Variants in UNC13C observed in about 807,000 individuals in gnomAD.
The protein encoded by UNC13C is protein unc-13 homolog C.
In UNC13C, 174 loss-of-function variants were observed where a neutral mutation model predicts 245.4. That is an observed-to-expected ratio of 0.71 (90% confidence interval 0.63 to 0.80). UNC13C has a LOEUF of 0.80. UNC13C is among the 30% of genes least tolerant of loss of function. The pLI is 0.00. For synonymous variants in UNC13C, 992 were observed against 895.1 expected, an observed-to-expected ratio of 1.11 and a Z score of -1.93; for missense variants, 2,829 against 2,602.9, an observed-to-expected ratio of 1.09 and a Z score of -1.89.
chr15:53,930,231 C>G, the UNC13C span, among the ~76,000 whole-genome samples: 1,944 of 152,258 alleles, frequency 0.013, 41 homozygotes, highest in African/African-American at 0.045. Flanking sequence ...CCTCTCTCTT[C>G]CTCATAGCAC....
At chr15:54,141,487 A>G (rs1187200353) in intron 2 of UNC13C, among the ~76,000 whole-genome samples, 1 of 152,046 alleles carries the variant, frequency 6.6e-6, no homozygotes, top group African/African-American at 2.4e-5. Flanking sequence ...TACTTTTTTA[A>G]CATATTACAC....
chr15:54,556,502 G>C (rs992270281), intron 29 of UNC13C, among the ~76,000 whole-genome samples: 2 of 152,002 alleles, frequency 1.3e-5, no homozygotes, highest in African/African-American at 4.8e-5. Flanking sequence ...TGGGAGGTGA[G>C]AGTTTTGTGA....
chr15:54,070,538 A>G (rs1483460866), intron 2 of UNC13C, among the ~76,000 whole-genome samples: 1 of 152,154 alleles, frequency 6.6e-6, no homozygotes, highest in Non-Finnish European at 1.5e-5. Flanking sequence ...CAGTCTGTAC[A>G]TCACAGTTTG....
chr15:54,258,662 C>G (rs1050396349), intron 8 of UNC13C, among the ~76,000 whole-genome samples: 2 of 152,146 alleles, frequency 1.3e-5, no homozygotes, highest in African/African-American at 4.8e-5. Context: ...AGCCACCACT[C>G]CTGGCCTGAA....
the UNC13C span, among the ~76,000 whole-genome samples, chr15:53,883,462 G>A: frequency 1.1e-4 from 17 of 152,148 alleles, no homozygotes; most frequent in Non-Finnish European, 2.1e-4. Context: ...ACTGTCTTTT[G>A]GCATGGGGTT....
intron 30 of UNC13C, among the ~76,000 whole-genome samples, chr15:54,598,236 G>A (rs1479922420): frequency 1.3e-5 from 2 of 152,142 alleles, no homozygotes; most frequent in African/African-American, 2.4e-5. Flanking sequence ...GGGATTACAG[G>A]TGCATGCCAC....
At chr15:54,250,563 C>G in intron 8 of UNC13C, 119 bp downstream of exon 8, 3 of 850,844 alleles carry the variant, frequency 3.5e-6, no homozygotes, top group Non-Finnish European at 5.3e-6. Flanking sequence ...TCCCCTCCCA[C>G]CACTTACACA....
intron 10 of UNC13C, among the ~76,000 whole-genome samples, chr15:54,286,326 C>T (rs978255454): frequency 1.3e-5 from 2 of 152,136 alleles, no homozygotes; most frequent in African/African-American, 4.8e-5. Context: ...ACAGCACTTA[C>T]TATTGAGATT....
chr15:54,543,107 A>T lies in UNC13C; in HGVS notation c.5697-3615A>T, dbSNP rs560755561. 5.9e-5 allele frequency among the ~76,000 whole-genome samples: 9 copies of T among 152,198 alleles called. No homozygotes were observed. In the South Asian group the frequency reaches 1.9e-3, roughly 32 times the overall value. On this transcript the variant is annotated intron_variant, in intron 26 of 32. Transcript: ENST00000260323. ...TCTTCATAGTGTCAATGGTCTTTAG[A>T]ATTTGGCATGTTTTTGCAGTGGCTG...
the UNC13C span, among the ~76,000 whole-genome samples, chr15:53,855,904 C>T: frequency 6.6e-6 from 1 of 152,064 alleles, no homozygotes; most frequent in Non-Finnish European, 1.5e-5. Flanking sequence ...GAATTCAGAC[C>T]TGAGTCCATA....
intron 2 of UNC13C, among the ~76,000 whole-genome samples, chr15:54,136,343 T>C (rs1346451987): frequency 1.3e-5 from 2 of 152,084 alleles, no homozygotes; most frequent in East Asian, 3.9e-4. Flanking sequence ...GGTTTTGCCA[T>C]GTTGCCCACT....
chr15:54,280,231 G>T (rs2036940314), intron 10 of UNC13C, among the ~76,000 whole-genome samples: 1 of 151,898 alleles, frequency 6.6e-6, no homozygotes, highest in South Asian at 2.1e-4. Context: ...GTATATAGGG[G>T]AATAGTTAAA....
intron 19 of UNC13C, among the ~76,000 whole-genome samples, chr15:54,490,311 T>C (rs1366491379): frequency 6.6e-6 from 1 of 152,168 alleles, no homozygotes; most frequent in Non-Finnish European, 1.5e-5. Flanking sequence ...CTTTCCCATA[T>C]CCATCCTCAA....
At chr15:54,448,982 T>C (rs1328700662) in intron 19 of UNC13C, among the ~76,000 whole-genome samples, 1 of 152,206 alleles carries the variant, frequency 6.6e-6, no homozygotes, top group Non-Finnish European at 1.5e-5. Context: ...GATGACAAAA[T>C]CCCTCAGCAT....
chr15:54,143,259 C>A (rs548582269), intron 3 of UNC13C, among the ~76,000 whole-genome samples: 1 of 152,184 alleles, frequency 6.6e-6, no homozygotes, highest in Non-Finnish European at 1.5e-5. Context: ...GCTATACTTG[C>A]CAACCTAGGG....
the UNC13C span, among the ~76,000 whole-genome samples, chr15:53,844,266 A>G: frequency 6.6e-6 from 1 of 152,222 alleles, no homozygotes; most frequent in Non-Finnish European, 1.5e-5. Context: ...GTAGAAGGCA[A>G]GGTTATCTAT....
At chr15:54,050,642 G>C in intron 2 of UNC13C, 1 of 462,080 alleles carries the variant, frequency 2.2e-6, no homozygotes, top group Non-Finnish European at 4.3e-6. Flanking sequence ...TGAGGACAAA[G>C]CTTTCTGCTT....
intron 17 of UNC13C, among the ~76,000 whole-genome samples, chr15:54,344,355 T>C (rs1426896965): frequency 6.6e-6 from 1 of 152,100 alleles, no homozygotes; most frequent in Non-Finnish European, 1.5e-5. Flanking sequence ...AAAAAGTAAA[T>C]GAATTATGTC....
intron 19 of UNC13C, among the ~76,000 whole-genome samples, chr15:54,427,157 T>G (rs2040775435): frequency 6.6e-6 from 1 of 151,874 alleles, no homozygotes; most frequent in Non-Finnish European, 1.5e-5. Flanking sequence ...TATGATATGG[T>G]TTGGCTGTGT....
Sources: gnomAD v4.1 joint callset for allele counts (sites outside exome capture counted in the v4.1 genomes callset) on GRCh38, gnomAD v4.1.1 for gene constraint, MANE v1.5 for transcripts, NCBI Gene and HGNC (gene_info 2026-07-23, HGNC 2026-07-21) for gene names.